Variants in LRRC66 observed in about 807,000 individuals in gnomAD.
The protein encoded by LRRC66 is leucine-rich repeat-containing protein 66.
Under a neutral mutation model 24.6 loss-of-function variants are expected in LRRC66, and 29 were observed. The ratio of observed to expected loss-of-function variants is 1.18; its 90% CI spans 0.88 to 1.61. The LOEUF (loss-of-function observed/expected upper bound fraction) is 1.61, where lower values mean the gene tolerates loss of function less well. LRRC66 is among the 40% of genes most tolerant of loss of function. LRRC66 has a pLI of 0.00. For missense variants in LRRC66, 1,124 were observed against 1,058.0 expected (o/e 1.06, Z -0.87); for synonymous variants, 411 against 397.6 (o/e 1.03, Z -0.40).
At chr4:52,006,608 G>A (rs1448234140) in intron 2 of LRRC66, among the ~76,000 whole-genome samples, 2 of 148,606 alleles carry the variant, frequency 1.3e-5, no homozygotes, top group African/African-American at 5.0e-5. Flanking sequence ...GCTAGATGAC[G>A]AGTTAGTGGG....
chr4:51,995,172 T>C lies in LRRC66; in HGVS notation c.1850A>G (p.Gln617Arg), dbSNP rs1204877695. ...TTGCCTTTCCTTAGAAAATTCCATC[T>C]GCGAGTCCCAAAGTGACTGTTCAGT... Reference protein sequence around the residue: ...GGTEQSLWDSQMEFSKERQVS... With the variant: ...GGTEQSLWDSRMEFSKERQVS... Residue 617 changes from glutamine (Q) to arginine (R), a missense_variant, in exon 5 of 5, where the codon CAG (glutamine) becomes CGG (arginine). Coordinates refer to ENST00000682860, the MANE Select transcript of LRRC66 (RefSeq NM_001024611.3). 1 of 1,614,242 alleles carries C rather than the reference T, an allele frequency of 6.2e-7. No homozygotes were observed.
At chr4:52,018,000 T>C in intron 1 of LRRC66, 1 of 985,440 alleles carries the variant, frequency 1.0e-6, no homozygotes, top group African/African-American at 1.7e-5. Context: ...GAGCAAAGTC[T>C]ATTATGCTTA....
Position 51,994,991 on chromosome 4 carries a change from C to G in LRRC66, c.2031G>C (p.Leu677=), listed in dbSNP as rs1736260517. 6.2e-7 allele frequency: 1 copy of G among 1,614,030 alleles called. No homozygotes were observed. Among genetic ancestry groups the G allele is most frequent in the Non-Finnish European group, 8.5e-7 (1 of 1,180,054 alleles). The change falls in exon 5 of 5, where the codon CTG becomes CTC. Residue 677 remains leucine, a synonymous_variant. Coordinates refer to ENST00000682860, the MANE Select transcript of LRRC66 (RefSeq NM_001024611.3). The part of the protein sequence containing the change: ...SVFPPRWDSG[L]DVTPANKEPV... The stretch of plus-strand genomic sequence containing the variant: ...GTTCCTTGTTAGCAGGAGTGACATC[C>G]AGGCCACTGTCCCATCTTGGAGGAA...
At position 52,003,302 on chromosome 4, in the gene LRRC66, T is replaced by G; in HGVS notation, c.587A>C (p.Gln196Pro). The part of the protein sequence containing the change: ...IGWSDFHNCL[Q>P]LENLCLKSNK... ...GCTCTTTAAACAGAGATTCTCCAGT[T>G]GCAGGCAGTTGTGAAAATCAGACCA... The change falls in exon 3 of 5, where the codon CAA (glutamine) becomes CCA (proline). Residue 196 changes from glutamine (Q) to proline (P), a missense_variant. By Grantham distance (76) the Gln-to-Pro change is moderately conservative (BLOSUM62 -1). Transcript: ENST00000682860. The G allele has an allele frequency of 6.2e-7, 1 of 1,613,970 alleles. No homozygotes were observed. The highest frequency in any genetic ancestry group is 8.5e-7 in the Non-Finnish European group (1 of 1,179,890).
chr4:52,004,791 C>T (rs2319750), intron 2 of LRRC66, among the ~76,000 whole-genome samples: 133,132 of 152,282 alleles, frequency 0.87, 58,332 homozygotes, highest in East Asian at 0.95. Flanking sequence ...TGTCATATGT[C>T]CATTTAATTG....
intron 4 of LRRC66, among the ~76,000 whole-genome samples, chr4:51,997,204 G>A (rs1183152244): frequency 6.6e-6 from 1 of 152,178 alleles, no homozygotes; most frequent in Non-Finnish European, 1.5e-5. Context: ...AGCACTTTAG[G>A]AGAGGGGCAA....
At chr4:51,998,878 C>T (rs1736383537) in intron 3 of LRRC66, among the ~76,000 whole-genome samples, 2 of 152,190 alleles carry the variant, frequency 1.3e-5, no homozygotes. Context: ...ACCTATTCTA[C>T]AGAGGAAGAA....
chr4:52,018,488 T>G, intron 1 of LRRC66: 1 of 985,404 alleles, frequency 1.0e-6, no homozygotes, highest in Non-Finnish European at 1.2e-6. Flanking sequence ...AAATTGTCCC[T>G]TCCTTTCTGT....
At chr4:52,000,302 A>G (rs939228) in intron 3 of LRRC66, among the ~76,000 whole-genome samples, 67,427 of 152,056 alleles carry the variant, frequency 0.44, 18,696 homozygotes, top group African/African-American at 0.79. Context: ...AAATGCACAG[A>G]AAATACAACA....
Position 51,997,753 on chromosome 4 carries a change from G to C in LRRC66, c.851C>G (p.Ser284Cys). Reference protein sequence around the residue: ...RKKWNVICNRSIGSEEANGGT... With the variant: ...RKKWNVICNRCIGSEEANGGT... ...GAGAGACATTACTGACTTACCTATAGACCTGTTGCAAATGACATTCCACTT... is the reference window on the plus strand; with the variant it reads ...GAGAGACATTACTGACTTACCTATACACCTGTTGCAAATGACATTCCACTT... Residue 284 changes from serine to cysteine, a missense_variant, in exon 4 of 5, where the codon TCT becomes TGT. Ser to Cys is a moderately radical substitution (Grantham distance 112). Transcript: ENST00000682860. 6.2e-7 allele frequency: 1 copy of C among 1,613,570 alleles called. No individual in the cohort carries two copies. The highest frequency in any genetic ancestry group is 8.5e-7 in the Non-Finnish European group (1 of 1,179,608).
intron 2 of LRRC66, among the ~76,000 whole-genome samples, chr4:52,012,634 G>A (rs1300102104): frequency 4.6e-5 from 7 of 152,272 alleles, no homozygotes; most frequent in Non-Finnish European, 5.9e-5. Flanking sequence ...GCTGTATGGT[G>A]CATTCACGGC....
chr4:52,009,414 G>C (rs1174727869), intron 2 of LRRC66, among the ~76,000 whole-genome samples: 3 of 151,918 alleles, frequency 2.0e-5, no homozygotes, highest in Non-Finnish European at 4.4e-5. Flanking sequence ...AATAAAGTAG[G>C]AAATGTAAAA....
Position 52,016,970 on chromosome 4 carries a change from G to A in LRRC66, c.496+148C>T. 2.4e-6 allele frequency: 2 copies of A among 824,686 alleles called. 1 individual carries two copies. The highest frequency in any genetic ancestry group is 5.1e-5 in the East Asian group (2 of 39,064). The allele number at this position is 824,686 out of a possible 1,614,324, so 51.1% of individuals were successfully genotyped here. On this transcript the variant is annotated intron_variant, in intron 2 of 4. Coordinates refer to ENST00000682860, the MANE Select transcript of LRRC66 (RefSeq NM_001024611.3). ...AATTCCACACACTATAACTTCCAAT[G>A]CCACTAAGAAACATTATTATATGTG...
chr4:51,995,487 TG>T lies in LRRC66; in HGVS notation c.1534del (p.His512IlefsTer9), dbSNP rs1736279969. ...DGAVYSILQR[H>X]PHAGNRELMS... ...TAGTTCACGGTTACCGGCATGTGGATGTCTCTGGAGAATGGAATAGACTGCA... is the reference window on the plus strand; with the variant it reads ...TAGTTCACGGTTACCGGCATGTGGATTCTCTGGAGAATGGAATAGACTGCA... On this transcript the variant is annotated frameshift_variant, in exon 5 of 5. Coordinates refer to ENST00000682860, the MANE Select transcript of LRRC66 (RefSeq NM_001024611.3). LOFTEE classifies it low-confidence loss of function (END_TRUNC). The T allele has an allele frequency of 6.2e-7, 1 of 1,614,046 alleles. No homozygotes were observed. The highest frequency in any genetic ancestry group is 1.1e-5 in the South Asian group (1 of 91,076).
chr4:52,003,407 A>G lies in LRRC66; in HGVS notation c.497-15T>C. 6.2e-7 allele frequency: 1 copy of G among 1,603,166 alleles called. No homozygotes were observed. ...TTTCCACAGTCCTGTTAAAATGAAA[A>G]AGTAAGTTGAAATCTAAACTGGTAA... On this transcript the variant is annotated splice_polypyrimidine_tract_variant and intron_variant, in intron 2 of 4. Transcript: ENST00000682860.
chr4:51,997,915 G>C lies in LRRC66; in HGVS notation c.689C>G (p.Ala230Gly). Residue 230 changes from alanine (A) to glycine (G), a missense_variant, in exon 4 of 5, where the codon GCT becomes GGT. Physicochemically the swap from Ala to Gly is moderately conservative, Grantham distance 60. Coordinates refer to ENST00000682860, the MANE Select transcript of LRRC66 (RefSeq NM_001024611.3). The stretch of plus-strand genomic sequence containing the variant: ...CATCATTGGTAGGATGGTAATCAGA[G>C]CATTGTTGCTAAGGTCTATGACCTG... ...KLQVIDLSNN[A>G]LITILPMMII... 1 of 1,614,076 alleles carries C rather than the reference G, an allele frequency of 6.2e-7. No homozygotes were observed. The highest frequency in any genetic ancestry group is 8.5e-7 in the Non-Finnish European group (1 of 1,179,950).
At chr4:51,998,279 T>C (rs980405335) in intron 3 of LRRC66, among the ~76,000 whole-genome samples, 7 of 152,228 alleles carry the variant, frequency 4.6e-5, no homozygotes, top group Non-Finnish European at 8.8e-5. Flanking sequence ...AAAACCTAGA[T>C]ACTCATGTTA....
At chr4:52,020,109 C>G (rs936767165) in intron 1 of LRRC66, among the ~76,000 whole-genome samples, 195 bp downstream of exon 1, 1 of 151,882 alleles carries the variant, frequency 6.6e-6, no homozygotes, top group Non-Finnish European at 1.5e-5. Flanking sequence ...GTTAGAAATA[C>G]TGGGTGTGTA....
At position 51,996,125 on chromosome 4, in the gene LRRC66, A is replaced by T; in HGVS notation, c.897T>A (p.Ile299=). Residue 299 remains isoleucine, a synonymous_variant, in exon 5 of 5, where the codon ATT becomes ATA. Coordinates refer to ENST00000682860, the MANE Select transcript of LRRC66 (RefSeq NM_001024611.3). Reference sequence around the variant, plus strand: ...TGGGAGGAAGGCGGGTTTCCCTGGAAATCCTGCTCTGGGGAGTGCCCCCGT... The same window carrying T: ...TGGGAGGAAGGCGGGTTTCCCTGGATATCCTGCTCTGGGGAGTGCCCCCGT... ...EANGGTPQSR[I]SRETRLPPIH... 1 of 1,613,908 alleles carries T rather than the reference A, an allele frequency of 6.2e-7. No individual in the cohort carries two copies. The highest frequency in any genetic ancestry group is 8.5e-7 in the Non-Finnish European group (1 of 1,179,912).
Sources: gnomAD v4.1 joint callset for allele counts (sites outside exome capture counted in the v4.1 genomes callset) on GRCh38, gnomAD v4.1.1 for gene constraint, MANE v1.5 for transcripts, NCBI Gene and HGNC (gene_info 2026-07-23, HGNC 2026-07-21) for gene names.